The following PPP2R2C variants were observed in gnomAD, a reference collection of about 807,000 sequenced individuals.
The protein encoded by PPP2R2C is protein phosphatase 2, regulatory subunit B, gamma.
A neutral mutation model predicts 45.3 loss-of-function variants in PPP2R2C; 10 were observed. The ratio of observed to expected loss-of-function variants is 0.22; its 90% confidence interval spans 0.14 to 0.37. The LOEUF is 0.37. Ranked by LOEUF, PPP2R2C falls within the 10% of genes least tolerant of loss-of-function variation. The pLI is 1.00. For missense variants in PPP2R2C, 308 were observed against 619.7 expected, an observed-to-expected ratio of 0.50 and a Z score of 5.34; for synonymous variants, 257 against 245.4, an observed-to-expected ratio of 1.05 and a Z score of -0.44.
At chr4:6,326,834 G>A (rs966308674) in intron 8 of PPP2R2C, among the ~76,000 whole-genome samples, 8 of 152,218 alleles carry the variant, frequency 5.3e-5, no homozygotes, top group East Asian at 1.9e-4. Context: ...AGGGGCCATC[G>A]GGCAGCCACC....
chr4:6,366,955 A>C (rs1414256517), intron 5 of PPP2R2C, among the ~76,000 whole-genome samples: 1 of 152,084 alleles, frequency 6.6e-6, no homozygotes, highest in East Asian at 1.9e-4. Context: ...CCAATTTCAC[A>C]GCTGTGCAGA....
intron 1 of PPP2R2C, among the ~76,000 whole-genome samples, chr4:6,422,661 T>C (rs2109395101): frequency 6.6e-6 from 1 of 152,286 alleles, no homozygotes; most frequent in Admixed American, 6.5e-5. Flanking sequence ...TGTCCTTCTG[T>C]GTGTGTCTCT....
chr4:6,498,350 A>G (rs1468105205), intron 2 of PPP2R2C, among the ~76,000 whole-genome samples: 1 of 152,244 alleles, frequency 6.6e-6, no homozygotes, highest in Non-Finnish European at 1.5e-5. Context: ...GACAGTGGTT[A>G]CTTTCATGGG....
intron 1 of PPP2R2C, among the ~76,000 whole-genome samples, chr4:6,409,810 C>T (rs756700872): frequency 3.3e-5 from 5 of 152,296 alleles, no homozygotes; most frequent in African/African-American, 9.6e-5. Context: ...GAACATGCCC[C>T]GCTCCCCAAA....
At chr4:6,509,558 C>T (rs1237518699) in intron 2 of PPP2R2C, among the ~76,000 whole-genome samples, 1 of 152,140 alleles carries the variant, frequency 6.6e-6, no homozygotes, top group South Asian at 2.1e-4. Flanking sequence ...CCCAGAAATC[C>T]AACCAAACTA....
chr4:6,426,544 C>T (rs1434682118), intron 1 of PPP2R2C, among the ~76,000 whole-genome samples: 1 of 152,226 alleles, frequency 6.6e-6, no homozygotes, highest in African/African-American at 2.4e-5. Context: ...GAGATATTTA[C>T]ACCTGCATGG....
At chr4:6,358,119 T>C (rs542520800) in intron 5 of PPP2R2C, among the ~76,000 whole-genome samples, 2 of 152,272 alleles carry the variant, frequency 1.3e-5, no homozygotes, top group African/African-American at 4.8e-5. Flanking sequence ...AACAGCATGG[T>C]ACTGGTACCA....
intron 1 of PPP2R2C, among the ~76,000 whole-genome samples, chr4:6,396,262 G>A (rs1390743651): frequency 6.6e-6 from 1 of 152,182 alleles, no homozygotes; most frequent in African/African-American, 2.4e-5. Flanking sequence ...TCCTTCCACT[G>A]TGGGACAGCC....
intron 8 of PPP2R2C, 80 bp from the exon 9 acceptor site, chr4:6,323,673 C>T (rs866082020): frequency 5.7e-5 from 78 of 1,372,010 alleles, no homozygotes; most frequent in African/African-American, 2.8e-4. Context: ...TGGGGGCTCA[C>T]GCCCATAATC....
rs71173440 is a variant in PPP2R2C, at chr4:6,414,076, A to ATGTGTGTG, written c.71-32990_71-32983dup. On this transcript the variant is annotated intron_variant, in intron 1 of 8. Coordinates refer to ENST00000382599, the MANE Select transcript of PPP2R2C (RefSeq NM_020416.4). ...ACAGTAACATAAGTTTTGCCTGTGT[A>ATGTGTGTG]TGTGTGTGTGTGTGTGTGTGTGTGT... 1.4e-3 allele frequency: 1,234 copies of ATGTGTGTG among 882,006 alleles called. 6 individuals carry two copies. Among genetic ancestry groups the ATGTGTGTG allele is most frequent in the Middle Eastern group, 3.8e-3 (11 of 2,862 alleles). 54.6% of individuals were successfully genotyped at this position (882,006 alleles called of 1,614,324 possible). A position where few individuals can be genotyped will look rare whatever the true frequency, so the allele number is the denominator to read the frequency against.
At chr4:6,400,577 T>C (rs1463850184) in intron 1 of PPP2R2C, among the ~76,000 whole-genome samples, 1 of 152,152 alleles carries the variant, frequency 6.6e-6, no homozygotes, top group Admixed American at 6.5e-5. Context: ...AAAAGTACAT[T>C]GGGTGATTTG....
chr4:6,554,859 C>CAA (rs1176130638), intron 1 of PPP2R2C, among the ~76,000 whole-genome samples: 3 of 30,266 alleles, frequency 9.9e-5, no homozygotes, highest in Middle Eastern at 0.018. Context: ...GACTCCATCT[C>CAA]AAAAAAAAAA....
At chr4:6,360,669 G>A (rs1713650315) in intron 5 of PPP2R2C, among the ~76,000 whole-genome samples, 1 of 152,202 alleles carries the variant, frequency 6.6e-6, no homozygotes, top group African/African-American at 2.4e-5. Context: ...TGCTTTTTCA[G>A]CAAATCTCCA....
At chr4:6,367,472 T>C (rs778273108) in intron 5 of PPP2R2C, among the ~76,000 whole-genome samples, 6 of 152,108 alleles carry the variant, frequency 3.9e-5, no homozygotes, top group Non-Finnish European at 7.4e-5. Context: ...TGGGTTTTTC[T>C]TGTCAGGACT....
At chr4:6,398,116 G>C (rs982440314) in intron 1 of PPP2R2C, among the ~76,000 whole-genome samples, 38 of 152,204 alleles carry the variant, frequency 2.5e-4, no homozygotes, top group African/African-American at 8.9e-4. Context: ...CTGACAAACT[G>C]ACATTGAAAT....
intron 1 of PPP2R2C, among the ~76,000 whole-genome samples, chr4:6,387,714 G>A (rs1716312890): frequency 6.6e-6 from 1 of 152,010 alleles, no homozygotes; most frequent in African/African-American, 2.4e-5. Context: ...CTGGGAGGCT[G>A]AGGCAGGAGA....
chr4:6,544,285 G>A (rs1257051080), intron 1 of PPP2R2C, among the ~76,000 whole-genome samples: 3 of 152,200 alleles, frequency 2.0e-5, no homozygotes, highest in African/African-American at 7.2e-5. Flanking sequence ...GCTACCGGAA[G>A]TCCCTCTAGT....
intron 2 of PPP2R2C, among the ~76,000 whole-genome samples, chr4:6,478,187 A>G (rs2108776467): frequency 6.6e-6 from 1 of 152,270 alleles, no homozygotes; most frequent in Middle Eastern, 3.4e-3. Flanking sequence ...ATTAGCCTAA[A>G]TGCTATGATT....
At chr4:6,365,136 C>A (rs1714172090) in intron 5 of PPP2R2C, among the ~76,000 whole-genome samples, 1 of 152,188 alleles carries the variant, frequency 6.6e-6, no homozygotes, top group African/African-American at 2.4e-5. Context: ...GGCAGAGACC[C>A]TGTCTGCTTC....
Sources: allele counts gnomAD v4.1 joint callset (sites outside exome capture counted in the v4.1 genomes callset), GRCh38; gene constraint gnomAD v4.1.1; transcripts MANE v1.5; gene names NCBI Gene and HGNC (gene_info 2026-07-23, HGNC 2026-07-21).